The following WWOX variants were observed in gnomAD, a reference collection of about 807,000 sequenced individuals.
WWOX encodes the protein WW domain containing oxidoreductase.
A neutral mutation model predicts 46.2 loss-of-function variants in WWOX; 69 were observed. That is an observed-to-expected ratio of 1.49 (90% CI 1.23 to 1.82). The LOEUF (loss-of-function observed/expected upper bound fraction) is 1.82, where lower values mean the gene tolerates loss of function less well. Among genes scored for constraint, WWOX ranks in the 40% most tolerant of loss-of-function variants. WWOX has a pLI of 0.00. For synonymous variants in WWOX, 359 were observed against 202.6 expected (o/e 1.77, Z -6.56); for missense variants, 919 against 542.6 (o/e 1.69, Z -6.89).
rs77946205 is a variant in WWOX at position 78,516,065 on chromosome 16, G to C, written c.1056+83313G>C. ...TTCTCACAGATTAAGAGAGTAGCAT[G>C]TGCTCATCCCAATTATTGAAACCGT... On this transcript the variant is annotated intron_variant, in intron 8 of 8. Coordinates refer to ENST00000566780, the MANE Select transcript of WWOX (RefSeq NM_016373.4). 5.0e-3 allele frequency among the ~76,000 whole-genome samples: 764 copies of C among 151,908 alleles called. 6 individuals are homozygous for C. The highest frequency in any genetic ancestry group is 0.017 in the African/African-American group (716 of 41,384).
intron 8 of WWOX, among the ~76,000 whole-genome samples, chr16:79,178,473 G>T (rs544268187): frequency 6.6e-6 from 1 of 152,102 alleles, no homozygotes; most frequent in African/African-American, 2.4e-5. Flanking sequence ...GCACCACCAT[G>T]CCTGGCTAAT....
intron 1 of WWOX, among the ~76,000 whole-genome samples, chr16:78,100,714 A>C (rs1393274794): frequency 6.6e-6 from 1 of 152,230 alleles, no homozygotes; most frequent in African/African-American, 2.4e-5. Flanking sequence ...TACGAGGGTC[A>C]GTTCAGGCAC....
At chr16:78,318,526 T>A (rs987899206) in intron 5 of WWOX, among the ~76,000 whole-genome samples, 1 of 152,152 alleles carries the variant, frequency 6.6e-6, no homozygotes, top group African/African-American at 2.4e-5. Flanking sequence ...TTAAAACAAA[T>A]GTTAAGAACA....
At chr16:79,151,640 G>A (rs139647285) in intron 8 of WWOX, among the ~76,000 whole-genome samples, 28 of 152,082 alleles carry the variant, frequency 1.8e-4, no homozygotes, top group African/African-American at 6.5e-4. Flanking sequence ...GAATGCAGAG[G>A]CCATGCCTGC....
intron 8 of WWOX, among the ~76,000 whole-genome samples, chr16:79,055,804 T>C (rs1194328882): frequency 6.6e-6 from 1 of 152,168 alleles, no homozygotes; most frequent in Non-Finnish European, 1.5e-5. Context: ...GTTTCTTCTT[T>C]CCTAAAACTC....
intron 8 of WWOX, among the ~76,000 whole-genome samples, chr16:78,748,487 T>A (rs1396726937): frequency 6.6e-6 from 1 of 152,202 alleles, no homozygotes; most frequent in Non-Finnish European, 1.5e-5. Flanking sequence ...AAAGTTCACC[T>A]TTCGGCTCCT....
Position 79,202,795 on chromosome 16 carries a change from CAA to C in WWOX, c.1057-8812_1057-8811del, listed in dbSNP as rs915147934. On this transcript the variant is annotated intron_variant, in intron 8 of 8. Coordinates refer to ENST00000566780, the MANE Select transcript of WWOX (RefSeq NM_016373.4). ...ATTTACATATATTTACATAGGGAAA[CAA>C]GAGAAAGATCTACAGTTATTTACAG... 7.9e-5 allele frequency: 12 copies of C among 152,156 alleles called. No individual in the cohort carries two copies. The East Asian group carries it at 1.9e-3, about 24-fold the overall frequency. The allele number at this position is 152,156 out of a possible 1,614,324, so 9.4% of individuals were successfully genotyped here.
chr16:78,348,704 C>T lies in WWOX; in HGVS notation c.517-38156C>T, dbSNP rs1042503623. Among the ~76,000 whole-genome samples, 11 of 120,902 alleles carry T rather than the reference C, an allele frequency of 9.1e-5. 4 individuals carry two copies. Among genetic ancestry groups the T allele is most frequent in the Non-Finnish European group, 2.0e-4 (10 of 50,638 alleles). The allele number at this position is 120,902 out of a possible 152,430, so 79.3% of individuals were successfully genotyped here. On this transcript the variant is annotated intron_variant, in intron 5 of 8. Coordinates refer to ENST00000566780, the MANE Select transcript of WWOX (RefSeq NM_016373.4). The stretch of plus-strand genomic sequence containing the variant: ...AACTCCTGAGCTCAAGAGATCCACC[C>T]GCCTCTGCCTCCCAAAGTGCTAGGA...
rs145027551 is a variant in WWOX at position 78,610,780 on chromosome 16, C to G, written c.1056+178028C>G. ...TGGCATGGCTCTGATATTATAAAAT[C>G]TGGAGGTTTGGAATGCAGCAAACTC... On this transcript the variant is annotated intron_variant, in intron 8 of 8. Coordinates refer to ENST00000566780, the MANE Select transcript of WWOX (RefSeq NM_016373.4). Among the ~76,000 whole-genome samples, 461 of 152,160 alleles carry G rather than the reference C, an allele frequency of 3.0e-3. 2 individuals are homozygous for G. The highest frequency in any genetic ancestry group is 0.011 in the African/African-American group (442 of 41,520).
chr16:78,863,175 C>A (rs971477497), intron 8 of WWOX, among the ~76,000 whole-genome samples: 2 of 152,096 alleles, frequency 1.3e-5, no homozygotes, highest in Non-Finnish European at 2.9e-5. Context: ...CCAGACTGGT[C>A]TCAAACTCCT....
chr16:78,804,756 G>T (rs1236462429), intron 8 of WWOX, among the ~76,000 whole-genome samples: 1 of 152,084 alleles, frequency 6.6e-6, no homozygotes, highest in African/African-American at 2.4e-5. Context: ...TGTAGCAAAA[G>T]TTACCTTGAT....
intron 4 of WWOX, among the ~76,000 whole-genome samples, chr16:78,149,023 G>C (rs1157835386): frequency 6.6e-6 from 1 of 150,792 alleles, no homozygotes; most frequent in Admixed American, 6.6e-5. Context: ...GACAGAATCT[G>C]CTCCATCACT....
intron 8 of WWOX, among the ~76,000 whole-genome samples, chr16:78,657,525 A>G (rs372754291): frequency 3.9e-5 from 6 of 152,168 alleles, no homozygotes; most frequent in Non-Finnish European, 7.3e-5. Flanking sequence ...GAATCAGCAG[A>G]CCCAGAGTCT....
chr16:78,561,042 A>G (rs907852573), intron 8 of WWOX, among the ~76,000 whole-genome samples: 1 of 152,184 alleles, frequency 6.6e-6, no homozygotes, highest in African/African-American at 2.4e-5. Context: ...CCTTTCCTGC[A>G]TGCTCTGTGG....
At chr16:78,861,398 A>G (rs928501643) in intron 8 of WWOX, among the ~76,000 whole-genome samples, 1 of 152,230 alleles carries the variant, frequency 6.6e-6, no homozygotes, top group African/African-American at 2.4e-5. Flanking sequence ...GATTTACAGA[A>G]GTTGACAGAG....
At chr16:78,845,846 G>A (rs1597712216) in intron 8 of WWOX, among the ~76,000 whole-genome samples, 1 of 152,218 alleles carries the variant, frequency 6.6e-6, no homozygotes, top group African/African-American at 2.4e-5. Flanking sequence ...GAGTGAATAT[G>A]AGAGTGAATA....
intron 7 of WWOX, among the ~76,000 whole-genome samples, chr16:78,428,191 T>C (rs2083131902): frequency 6.6e-6 from 1 of 152,270 alleles, no homozygotes; most frequent in Non-Finnish European, 1.5e-5. Context: ...AATATTTTAA[T>C]GTACTAGTAA....
intron 8 of WWOX, chr16:78,525,117 T>G (rs2043432451): frequency 1.3e-5 from 2 of 151,732 alleles, no homozygotes; most frequent in African/African-American, 4.8e-5. Context: ...CCTCCTGCCT[T>G]GGTCTCTCCA....
intron 8 of WWOX, among the ~76,000 whole-genome samples, chr16:78,542,111 T>G (rs2043912312): frequency 6.7e-6 from 1 of 149,272 alleles, no homozygotes; most frequent in East Asian, 2.0e-4. Flanking sequence ...AAAGTAATAC[T>G]TCTTGGAGAA....
Sources: allele counts gnomAD v4.1 joint callset (sites outside exome capture counted in the v4.1 genomes callset), GRCh38; gene constraint gnomAD v4.1.1; transcripts MANE v1.5; gene names NCBI Gene and HGNC (gene_info 2026-07-23, HGNC 2026-07-21).